The following SEC23B variants were observed in gnomAD, a reference collection of about 807,000 sequenced individuals.
SEC23B encodes the protein protein transport protein Sec23B.
In SEC23B, 77 loss-of-function variants were observed where a neutral mutation model predicts 104.3. The observed-to-expected ratio is 0.74, with a 90% CI of 0.61 to 0.89. SEC23B has a LOEUF of 0.89. Ranked by LOEUF, SEC23B falls within the 40% of genes least tolerant of loss-of-function variation. The pLI is 0.00. For synonymous variants in SEC23B, 338 were observed against 332.5 expected (o/e 1.02, Z -0.18); for missense variants, 885 against 949.4 (o/e 0.93, Z 0.89).
chr20:18,527,447 T>C, intron 8 of SEC23B, 49 bp from the exon 9 acceptor site: 1 of 1,024,090 alleles, frequency 9.8e-7, no homozygotes, highest in Non-Finnish European at 1.6e-6. Context: ...CAGGCATACC[T>C]TGGGAATAAT....
intron 4 of SEC23B, among the ~76,000 whole-genome samples, chr20:18,522,011 A>G (rs6132073): frequency 0.68 from 103,512 of 152,026 alleles, 36,685 homozygotes; most frequent in Non-Finnish European, 0.8. Flanking sequence ...GAAGAAAATA[A>G]GACACTTAGA....
chr20:18,526,397 A>G lies in SEC23B; in HGVS notation c.859A>G (p.Arg287Gly). 1 of 1,614,218 alleles carries G rather than the reference A, an allele frequency of 6.2e-7. No homozygotes were observed. Among genetic ancestry groups the G allele is most frequent in the Non-Finnish European group, 8.5e-7 (1 of 1,180,020 alleles). ...LEGTFPNTGA[R>G]IMLFTGGPPT... is the part of the protein sequence containing the mutation. ...GGGCACTTTTCCAAACACAGGAGCC[A>G]GGATCATGCTGTTTACTGGAGGTCC... is the stretch of plus-strand genomic sequence containing the variant. Residue 287 changes from arginine (R) to glycine (G), a missense_variant, in exon 8 of 20, where the codon AGG becomes GGG. Physicochemically the swap from Arg to Gly is moderately radical, Grantham distance 125. Coordinates refer to ENST00000650089, the MANE Select transcript of SEC23B (RefSeq NM_006363.6).
chr20:18,545,940 T>G lies in SEC23B; in HGVS notation c.1666-16T>G. ...TTGTGTGTGTTTGTTTGTTTTTTGG[T>G]ATTTTCTTTCCATAGTGTCAAAAGT... On this transcript the variant is annotated splice_polypyrimidine_tract_variant and intron_variant, in intron 14 of 19. Transcript: ENST00000650089. 2.1e-6 allele frequency: 3 copies of G among 1,441,614 alleles called. No homozygotes were observed. Among genetic ancestry groups the G allele is most frequent in the Non-Finnish European group, 2.9e-6 (3 of 1,022,772 alleles). The allele number at this position is 1,441,614 out of a possible 1,614,324, so 89.3% of individuals were successfully genotyped here. A position where few individuals can be genotyped will look rare whatever the true frequency, so the allele number is the denominator to read the frequency against.
chr20:18,556,571 C>G (rs2060440324), intron 19 of SEC23B, among the ~76,000 whole-genome samples: 1 of 152,142 alleles, frequency 6.6e-6, no homozygotes, highest in Non-Finnish European at 1.5e-5. Context: ...CCTTTTCAAT[C>G]TGAATAACTT....
chr20:18,521,142 C>T (rs930556747), intron 4 of SEC23B, among the ~76,000 whole-genome samples: 1 of 152,112 alleles, frequency 6.6e-6, no homozygotes, highest in African/African-American at 2.4e-5. Flanking sequence ...GGAGATGTGG[C>T]TGGGGTTTGT....
At chr20:18,515,764 G>A (rs760663551) in intron 4 of SEC23B, 28 bp downstream of exon 4, 2 of 1,304,806 alleles carry the variant, frequency 1.5e-6, no homozygotes, top group Non-Finnish European at 2.2e-6. Flanking sequence ...CATTTAATGA[G>A]CAATGTTAAA....
chr20:18,546,488 C>T (rs978514168), intron 15 of SEC23B, among the ~76,000 whole-genome samples: 4 of 152,192 alleles, frequency 2.6e-5, no homozygotes, highest in Admixed American at 6.5e-5. Context: ...CTGAAAGTAA[C>T]TGCACTCTGC....
At position 18,524,586 on chromosome 20, in the gene SEC23B, C is replaced by T. The variant is rs776862716; in HGVS notation, c.520C>T (p.Gln174Ter). The change falls in exon 5 of 20, where the codon CAG becomes TAG. Residue 174 changes from glutamine to a stop codon, truncating the protein, a stop_gained. Transcript: ENST00000650089. LOFTEE classifies it high-confidence loss of function. ...VGLITFGRMV[Q>*]VHELSCEGIS... ...TCTGATCACATTTGGAAGGATGGTG[C>T]AGGTTCATGAGCTAAGCTGTGAAGG... The T allele has an allele frequency of 1.2e-6, 2 of 1,614,198 alleles. No individual in the cohort carries two copies. The highest frequency in any genetic ancestry group is 2.2e-5 in the East Asian group (1 of 44,882).
intron 4 of SEC23B, among the ~76,000 whole-genome samples, chr20:18,522,558 G>A (rs1020135353): frequency 8.5e-5 from 13 of 152,190 alleles, no homozygotes; most frequent in South Asian, 6.2e-4. Flanking sequence ...ACCTGAGGTC[G>A]TAGGCGGATC....
At position 18,542,395 on chromosome 20, in the gene SEC23B, G is replaced by T. The variant is rs770111384; in HGVS notation, c.1504G>T (p.Ala502Ser). The T allele has an allele frequency of 1.9e-6, 3 of 1,613,962 alleles. No individual in the cohort carries two copies. The East Asian group carries it at 6.7e-5, about 36-fold the overall frequency. Reference protein sequence around the residue: ...TQRRIRVTTIARNWADVQSQL... With the variant: ...TQRRIRVTTISRNWADVQSQL... ...GAGACGCATCCGCGTGACCACCATCGCCCGAAAGTAAGCAGCCCCAGTTTC... is the reference window on the plus strand; with the variant it reads ...GAGACGCATCCGCGTGACCACCATCTCCCGAAAGTAAGCAGCCCCAGTTTC... The change falls in exon 13 of 20, where the codon GCC becomes TCC. Residue 502 changes from alanine (A) to serine (S), a missense_variant. Transcript: ENST00000650089.
In SEC23B at chr20:18,560,927, TATAAGGTC is replaced by T; in HGVS notation, c.*192_*199del. 1 of 599,910 alleles carries T rather than the reference TATAAGGTC, an allele frequency of 1.7e-6. No homozygotes were observed. The highest frequency in any genetic ancestry group is 3.0e-6 in the Non-Finnish European group (1 of 336,576). 37.2% of individuals were successfully genotyped at this position (599,910 alleles called of 1,614,324 possible). On this transcript the variant is annotated 3_prime_UTR_variant, in exon 20 of 20. Coordinates refer to ENST00000650089, the MANE Select transcript of SEC23B (RefSeq NM_006363.6). ...TGTCCTTTTTCTTGCACTATAAAAT[TATAAGGTC>T]ATAAATGTTTTGGTACTTGTAGATG... is the stretch of plus-strand genomic sequence containing the variant.
chr20:18,560,575 G>T (rs2060483167), intron 19 of SEC23B, 76 bp from the exon 20 acceptor site: 1 of 1,111,430 alleles, frequency 9.0e-7, no homozygotes, highest in African/African-American at 1.5e-5. Context: ...TGTTCTGAGG[G>T]AAGGTGCTTG....
At chr20:18,539,245 C>T (rs892679268) in intron 12 of SEC23B, among the ~76,000 whole-genome samples, 3 of 148,260 alleles carry the variant, frequency 2.0e-5, no homozygotes, top group African/African-American at 7.5e-5. Context: ...GTGGCTCACG[C>T]CTGTAATCCC....
chr20:18,552,337 G>A (rs918719851), intron 17 of SEC23B, among the ~76,000 whole-genome samples: 6 of 152,264 alleles, frequency 3.9e-5, no homozygotes, highest in East Asian at 3.9e-4. Flanking sequence ...CCACTTGCAC[G>A]CAAGTGCTAG....
intron 12 of SEC23B, among the ~76,000 whole-genome samples, chr20:18,539,865 G>A (rs1489333217): frequency 6.7e-6 from 1 of 150,334 alleles, no homozygotes; most frequent in East Asian, 2.0e-4. Context: ...GGCTGGTCTT[G>A]AACTCCCGAC....
chr20:18,546,809 C>T (rs369570577), intron 15 of SEC23B, among the ~76,000 whole-genome samples: 92 of 151,990 alleles, frequency 6.1e-4, no homozygotes, highest in Middle Eastern at 3.4e-3. Context: ...GTGCTGGCTC[C>T]GCAGGGGCTG....
At position 18,518,582 on chromosome 20, in the gene SEC23B, G is replaced by GTTTTTTTTTTTTTTTTTT. The variant is rs57231166; in HGVS notation, c.366+2852_366+2869dup. On this transcript the variant is annotated intron_variant, in intron 4 of 19. Coordinates refer to ENST00000650089, the MANE Select transcript of SEC23B (RefSeq NM_006363.6). ...AATGGGCCTGTGAGGCTGGAAGGAG[G>GTTTTTTTTTTTTTTTTTT]TTTTTTTTTTTTTTTTTTTTTTTGT... Among the ~76,000 whole-genome samples the GTTTTTTTTTTTTTTTTTT allele has an allele frequency of 7.6e-4, 70 of 92,662 alleles. 10 individuals are homozygous for GTTTTTTTTTTTTTTTTTT. The highest frequency in any genetic ancestry group is 1.4e-3 in the South Asian group (3 of 2,180). 60.8% of individuals were successfully genotyped at this position (92,662 alleles called of 152,430 possible).
intron 15 of SEC23B, among the ~76,000 whole-genome samples, chr20:18,548,262 A>T (rs199884112): frequency 1.1e-4 from 2 of 17,962 alleles, no homozygotes; most frequent in Non-Finnish European, 7.3e-4. Context: ...AAGGCCCTTT[A>T]AAAAAAAAAA....
chr20:18,526,384 A>G lies in SEC23B; in HGVS notation c.846A>G (p.Pro282=). Residue 282 remains proline, a synonymous_variant, in exon 8 of 20, where the codon CCA becomes CCG. Transcript: ENST00000650089. ...ATTCGCTATTTTAGGGCACTTTTCC[A>G]AACACAGGAGCCAGGATCATGCTGT... ...IAVGLLEGTF[P]NTGARIMLFT... 3 of 1,614,110 alleles carry G rather than the reference A, an allele frequency of 1.9e-6. No homozygotes were observed. The highest frequency in any genetic ancestry group is 1.7e-6 in the Non-Finnish European group (2 of 1,179,948).
Sources: gnomAD v4.1 joint callset for allele counts (sites outside exome capture counted in the v4.1 genomes callset) on GRCh38, gnomAD v4.1.1 for gene constraint, MANE v1.5 for transcripts, NCBI Gene and HGNC (gene_info 2026-07-23, HGNC 2026-07-21) for gene names.